The following CAMKMT variants were observed in gnomAD, a reference collection of about 807,000 sequenced individuals.
The protein encoded by CAMKMT is CaM KMT.
In CAMKMT, 53 loss-of-function variants were observed where a neutral mutation model predicts 48.0. The observed-to-expected ratio is 1.10, with a 90% CI of 0.89 to 1.39. The LOEUF is 1.39. Among genes scored for constraint, CAMKMT ranks in the 40% most tolerant of loss-of-function variants. The probability of loss-of-function intolerance (pLI) is 0.00; values close to 1 mark genes in which losing one functional copy is unlikely to be tolerated. For synonymous variants in CAMKMT, 165 were observed against 152.3 expected, an observed-to-expected ratio of 1.08 and a Z score of -0.61; for missense variants, 428 against 402.7, an observed-to-expected ratio of 1.06 and a Z score of -0.54.
chr2:44,651,940 CTG>C (rs753475298), intron 3 of CAMKMT, among the ~76,000 whole-genome samples: 49 of 152,206 alleles, frequency 3.2e-4, no homozygotes, highest in South Asian at 2.3e-3. Context: ...ATAGAAAAGT[CTG>C]TACTATAGTG....
chr2:44,394,844 G>C, intron 3 of CAMKMT: 1 of 454,044 alleles, frequency 2.2e-6, no homozygotes, highest in South Asian at 1.6e-5. Context: ...GTGGTAATCA[G>C]TTATTATTGA....
intron 8 of CAMKMT, among the ~76,000 whole-genome samples, chr2:44,751,274 A>G (rs752652131): frequency 7.2e-5 from 11 of 152,166 alleles, no homozygotes; most frequent in Non-Finnish European, 1.3e-4. Flanking sequence ...TCTCTTCCGT[A>G]CATTATTTCA....
intron 3 of CAMKMT, among the ~76,000 whole-genome samples, chr2:44,522,937 T>C (rs1671195144): frequency 1.3e-5 from 2 of 152,086 alleles, no homozygotes; most frequent in African/African-American, 2.4e-5. Context: ...TTTCCTTTTT[T>C]CATACTACCA....
intron 3 of CAMKMT, among the ~76,000 whole-genome samples, chr2:44,644,046 C>T (rs988426318): frequency 6.6e-6 from 1 of 152,128 alleles, no homozygotes; most frequent in Admixed American, 6.5e-5. Context: ...TAAGTCAAAG[C>T]GTAAATGTAG....
intron 3 of CAMKMT, among the ~76,000 whole-genome samples, chr2:44,546,361 C>T (rs1428018708): frequency 2.0e-5 from 3 of 152,312 alleles, no homozygotes; most frequent in Middle Eastern, 3.4e-3. Flanking sequence ...ATGCATCTCT[C>T]CTGAGGTCTA....
At chr2:44,474,712 C>T (rs1361147359) in intron 3 of CAMKMT, among the ~76,000 whole-genome samples, 1 of 152,182 alleles carries the variant, frequency 6.6e-6, no homozygotes, top group Admixed American at 6.5e-5. Context: ...TCCTGACCTT[C>T]CTCACTATGC....
intron 3 of CAMKMT, among the ~76,000 whole-genome samples, chr2:44,585,103 T>C (rs1669784365): frequency 6.6e-6 from 1 of 152,138 alleles, no homozygotes; most frequent in Admixed American, 6.6e-5. Context: ...AAAGTAGTTT[T>C]AGTGCCCAGC....
intron 7 of CAMKMT, among the ~76,000 whole-genome samples, chr2:44,740,330 A>T (rs747375158): frequency 2.0e-5 from 3 of 151,928 alleles, no homozygotes; most frequent in Non-Finnish European, 4.4e-5. Context: ...GGGTATCGCC[A>T]TGTTGCCCAG....
chr2:44,562,186 G>T (rs116568822), intron 3 of CAMKMT, among the ~76,000 whole-genome samples: 4,173 of 152,264 alleles, frequency 0.027, 186 homozygotes, highest in African/African-American at 0.095. Context: ...AGTGAGAGGG[G>T]CTAAGAGCCA....
intron 3 of CAMKMT, among the ~76,000 whole-genome samples, chr2:44,528,189 CT>C (rs1666273450): frequency 6.6e-6 from 1 of 151,532 alleles, no homozygotes; most frequent in South Asian, 2.1e-4. Context: ...CATTTTTTTT[CT>C]TTTTTTGTAG....
chr2:44,703,532 C>A (rs899250588), intron 3 of CAMKMT, among the ~76,000 whole-genome samples: 1 of 152,078 alleles, frequency 6.6e-6, no homozygotes, highest in African/African-American at 2.4e-5. Context: ...GTAATCCCAG[C>A]ACTTTGGGAG....
At chr2:44,483,634 C>G (rs1669080729) in intron 3 of CAMKMT, among the ~76,000 whole-genome samples, 1 of 152,034 alleles carries the variant, frequency 6.6e-6, no homozygotes, top group African/African-American at 2.4e-5. Context: ...ATATGAAGGC[C>G]ATCATGTAGC....
chr2:44,504,476 G>A (rs2104750299), intron 3 of CAMKMT, among the ~76,000 whole-genome samples: 1 of 152,310 alleles, frequency 6.6e-6, no homozygotes, highest in Non-Finnish European at 1.5e-5. Flanking sequence ...CTTTAGACAA[G>A]TGTAATTTGT....
chr2:44,492,735 A>T (rs552937459), intron 3 of CAMKMT, among the ~76,000 whole-genome samples: 1 of 152,176 alleles, frequency 6.6e-6, no homozygotes, highest in Non-Finnish European at 1.5e-5. Context: ...TTGAATATTT[A>T]TCATCACTCA....
At chr2:44,484,808 C>T (rs908091226) in intron 3 of CAMKMT, among the ~76,000 whole-genome samples, 3 of 151,802 alleles carry the variant, frequency 2.0e-5, no homozygotes, top group Admixed American at 6.6e-5. Context: ...GAGTAGGAGG[C>T]GGTATTTGAA....
chr2:44,631,514 T>C lies in CAMKMT; in HGVS notation c.377-72769T>C, dbSNP rs755308680. On this transcript the variant is annotated intron_variant, in intron 3 of 10. Coordinates refer to ENST00000378494, the MANE Select transcript of CAMKMT (RefSeq NM_024766.5). ...AGATGATGTCTCACTTTATTGCCCA[T>C]GTTGGTCTTGATCTCCTGGACTCAA... 1.8e-5 allele frequency: 11 copies of C among 622,394 alleles called. No homozygotes were observed. In the East Asian group the frequency reaches 3.0e-4, roughly 17 times the overall value. 38.6% of individuals were successfully genotyped at this position (622,394 alleles called of 1,614,324 possible).
At chr2:44,720,697 C>G (rs1558817197) in intron 7 of CAMKMT, among the ~76,000 whole-genome samples, 1 of 152,082 alleles carries the variant, frequency 6.6e-6, no homozygotes, top group Admixed American at 6.6e-5. Context: ...TGTGTCTACA[C>G]AACAGATTTT....
In CAMKMT at chr2:44,657,457, C is replaced by T. The variant is rs1674440667; in HGVS notation, c.377-46826C>T. 6.6e-6 allele frequency among the ~76,000 whole-genome samples: 1 copy of T among 152,166 alleles called. No individual in the cohort carries two copies. The highest frequency in any genetic ancestry group is 1.5e-5 in the Non-Finnish European group (1 of 68,030). On this transcript the variant is annotated intron_variant, in intron 3 of 10. Coordinates refer to ENST00000378494, the MANE Select transcript of CAMKMT (RefSeq NM_024766.5). This position sits in a 1 kb window ranked among gnomAD's most constrained non-coding sequence, Gnocchi z 4.3. ...CCTCCCTATGAAAGGATTGGCAGATCAGAAATTTGGTTACATGTGCCATCA... is the reference window on the plus strand; with the variant it reads ...CCTCCCTATGAAAGGATTGGCAGATTAGAAATTTGGTTACATGTGCCATCA...
chr2:44,490,944 A>G (rs748564312), intron 3 of CAMKMT, among the ~76,000 whole-genome samples: 24 of 152,034 alleles, frequency 1.6e-4, no homozygotes, highest in Non-Finnish European at 3.1e-4. Context: ...GAGCTCAAGA[A>G]TTTGACACCA....
Sources: gnomAD v4.1 joint callset for allele counts (sites outside exome capture counted in the v4.1 genomes callset) on GRCh38, gnomAD v4.1.1 for gene constraint, Gnocchi (gnomAD v3.1) non-coding constraint, MANE v1.5 for transcripts, NCBI Gene and HGNC (gene_info 2026-07-23, HGNC 2026-07-21) for gene names.